VEPH1: variants seen among roughly 807,000 people sequenced by gnomAD.
VEPH1 encodes ventricular zone-expressed PH domain-containing protein homolog 1.
A neutral mutation model predicts 85.2 loss-of-function variants in VEPH1; 80 were observed. The observed-to-expected ratio is 0.94, with a 90% confidence interval of 0.78 to 1.13. The LOEUF is 1.13. Among genes scored for constraint, VEPH1 ranks in the 50% most tolerant of loss-of-function variants. The probability of loss-of-function intolerance (pLI) is 0.00; values close to 1 mark genes in which losing one functional copy is unlikely to be tolerated. For missense variants in VEPH1, 955 were observed against 980.5 expected, an observed-to-expected ratio of 0.97 and a Z score of 0.35; for synonymous variants, 297 against 348.0, an observed-to-expected ratio of 0.85 and a Z score of 1.63.
chr3:157,292,065 T>C (rs1273955508), intron 11 of VEPH1, among the ~76,000 whole-genome samples: 1 of 152,238 alleles, frequency 6.6e-6, no homozygotes, highest in East Asian at 1.9e-4. Flanking sequence ...TTCATCAATA[T>C]AGTATGTTGA....
rs928641397 is a variant in VEPH1, at chr3:157,260,702, A to T, written c.*432T>A. 8 of 152,032 alleles carry T rather than the reference A, an allele frequency of 5.3e-5. No individual in the cohort carries two copies. The highest frequency in any genetic ancestry group is 2.1e-4 in the South Asian group (1 of 4,872). 9.4% of individuals were successfully genotyped at this position (152,032 alleles called of 1,614,324 possible). ...AACGTTTCTAAAGGTTTTTTTTTTT[A>T]AAGTTTTCTTTTAATACCTTTGACA... is the stretch of plus-strand genomic sequence containing the variant. On this transcript the variant is annotated 3_prime_UTR_variant, in exon 14 of 14. Coordinates refer to ENST00000362010, the MANE Select transcript of VEPH1 (RefSeq NM_001167912.2).
At chr3:157,452,499 C>T (rs1735056943) in intron 4 of VEPH1, among the ~76,000 whole-genome samples, 1 of 152,126 alleles carries the variant, frequency 6.6e-6, no homozygotes, top group Non-Finnish European at 1.5e-5. Flanking sequence ...CAATTTTGTC[C>T]AGAGATAAAG....
chr3:157,417,380 C>T (rs1443109739), intron 5 of VEPH1, among the ~76,000 whole-genome samples: 2 of 152,154 alleles, frequency 1.3e-5, no homozygotes, highest in African/African-American at 4.8e-5. Context: ...TTTGTTCAGG[C>T]TGTAAACCAT....
At chr3:157,314,601 CAAATAGAGTACAA>C (rs1253413363) in intron 10 of VEPH1, among the ~76,000 whole-genome samples, 1 of 151,500 alleles carries the variant, frequency 6.6e-6, no homozygotes, top group Non-Finnish European at 1.5e-5. Context: ...GAATAAAATT[CAAATAGAGTACAA>C]AAATCAAGTC....
At chr3:157,371,092 G>A (rs1039510339) in intron 7 of VEPH1, among the ~76,000 whole-genome samples, 7 of 152,156 alleles carry the variant, frequency 4.6e-5, no homozygotes, top group Admixed American at 3.9e-4. Context: ...GAAAGAAGGA[G>A]GTTTGCGCAA....
intron 9 of VEPH1, among the ~76,000 whole-genome samples, chr3:157,339,451 A>G (rs976636339): frequency 6.6e-6 from 1 of 152,142 alleles, no homozygotes; most frequent in Non-Finnish European, 1.5e-5. Context: ...AAAGGTGGCA[A>G]TCCTGTTCCT....
At chr3:157,305,049 T>TATCTATCTATCTATCTATCC (rs1292657427) in intron 11 of VEPH1, among the ~76,000 whole-genome samples, 1 of 150,038 alleles carries the variant, frequency 6.7e-6, no homozygotes, top group East Asian at 2.0e-4. Flanking sequence ...TCTATCTATC[T>TATCTATCTATCTATCTATCC]ATCTATCTAT....
At chr3:157,375,466 G>T (rs1727983027) in intron 7 of VEPH1, among the ~76,000 whole-genome samples, 1 of 152,192 alleles carries the variant, frequency 6.6e-6, no homozygotes, top group South Asian at 2.1e-4. Flanking sequence ...AGTTGAAAAG[G>T]TTCTTTACAG....
At chr3:157,434,592 C>T (rs1733411457) in intron 4 of VEPH1, among the ~76,000 whole-genome samples, 2 of 152,134 alleles carry the variant, frequency 1.3e-5, no homozygotes, top group African/African-American at 4.8e-5. Context: ...GGATTCTGAA[C>T]GTGAGCCCCG....
At chr3:157,496,389 T>C (rs1476371405) in intron 1 of VEPH1, among the ~76,000 whole-genome samples, 6 of 152,226 alleles carry the variant, frequency 3.9e-5, no homozygotes, top group Non-Finnish European at 7.3e-5. Context: ...AATCATTTAA[T>C]GTCCAGTGAG....
At chr3:157,354,908 A>G (rs563686676) in intron 9 of VEPH1, among the ~76,000 whole-genome samples, 7 of 152,260 alleles carry the variant, frequency 4.6e-5, no homozygotes, top group Admixed American at 6.5e-5. Flanking sequence ...GTAGGGAGAT[A>G]TGTTTTCAAT....
chr3:157,389,039 G>A (rs1227433581), intron 6 of VEPH1, among the ~76,000 whole-genome samples: 4 of 152,090 alleles, frequency 2.6e-5, no homozygotes, highest in Non-Finnish European at 4.4e-5. Context: ...CTGAAGTATT[G>A]CTTCTAGAGG....
At chr3:157,463,241 C>A (rs1736044592) in intron 3 of VEPH1, among the ~76,000 whole-genome samples, 2 of 152,182 alleles carry the variant, frequency 1.3e-5, no homozygotes, top group Non-Finnish European at 2.9e-5. Flanking sequence ...CAGTTCCATC[C>A]ATTTTCCAGA....
chr3:157,298,553 C>T (rs1008377452), intron 11 of VEPH1, among the ~76,000 whole-genome samples: 2 of 152,158 alleles, frequency 1.3e-5, no homozygotes, highest in African/African-American at 4.8e-5. Context: ...CTCCATGAAA[C>T]TAGCACTAGA....
intron 11 of VEPH1, among the ~76,000 whole-genome samples, chr3:157,299,952 C>T (rs1038175748): frequency 1.3e-5 from 2 of 152,106 alleles, no homozygotes; most frequent in African/African-American, 2.4e-5. Flanking sequence ...TTGAATCTCA[C>T]GACATCCCTG....
At chr3:157,501,089 T>C (rs1740062581) in intron 1 of VEPH1, among the ~76,000 whole-genome samples, 1 of 152,254 alleles carries the variant, frequency 6.6e-6, no homozygotes. Context: ...CCATACCTTT[T>C]AAAAATTAAT....
At chr3:157,425,136 G>A (rs756457967) in intron 5 of VEPH1, among the ~76,000 whole-genome samples, 19 of 152,222 alleles carry the variant, frequency 1.2e-4, no homozygotes, top group Non-Finnish European at 2.5e-4. Context: ...AGTACAGCTC[G>A]GGCCATGACT....
At chr3:157,369,202 A>AAAC (rs1727201874) in intron 7 of VEPH1, among the ~76,000 whole-genome samples, 2 of 148,942 alleles carry the variant, frequency 1.3e-5, no homozygotes, top group East Asian at 2.0e-4. Context: ...AAAAAAAAAA[A>AAAC]AACCTCCTGA....
At chr3:157,374,743 C>G (rs966757252) in intron 7 of VEPH1, among the ~76,000 whole-genome samples, 2 of 152,098 alleles carry the variant, frequency 1.3e-5, no homozygotes, top group African/African-American at 4.8e-5. Flanking sequence ...AAACTGGAGT[C>G]TTGGTTCTGA....
Sources: gnomAD v4.1 joint callset for allele counts (sites outside exome capture counted in the v4.1 genomes callset) on GRCh38, gnomAD v4.1.1 for gene constraint, MANE v1.5 for transcripts, NCBI Gene and HGNC (gene_info 2026-07-23, HGNC 2026-07-21) for gene names.